Variants in COL24A1 observed in about 807,000 individuals in gnomAD.
COL24A1 encodes the protein collagen alpha-1(XXIV) chain.
Under a neutral mutation model 253.9 loss-of-function variants are expected in COL24A1, and 224 were observed. The ratio of observed to expected loss-of-function variants is 0.88; its 90% CI spans 0.79 to 0.99. COL24A1 has a LOEUF of 0.99. Ranked by LOEUF, COL24A1 falls within the 50% of genes least tolerant of loss-of-function variation. COL24A1 has a pLI of 0.00. For synonymous variants in COL24A1, 685 were observed against 673.7 expected, an observed-to-expected ratio of 1.02 and a Z score of -0.26; for missense variants, 2,131 against 2,068.5, an observed-to-expected ratio of 1.03 and a Z score of -0.59.
At chr1:86,095,305 C>A (rs1485422086) in intron 5 of COL24A1, among the ~76,000 whole-genome samples, 2 of 151,922 alleles carry the variant, frequency 1.3e-5, no homozygotes, top group Admixed American at 1.3e-4. Context: ...GGTACTTTTT[C>A]TTCATGTGTT....
chr1:85,957,320 C>T (rs986217751), intron 24 of COL24A1, among the ~76,000 whole-genome samples: 8 of 151,986 alleles, frequency 5.3e-5, no homozygotes, highest in African/African-American at 1.4e-4. Flanking sequence ...AACAAACCTG[C>T]GCATTTTGCA....
intron 18 of COL24A1, among the ~76,000 whole-genome samples, chr1:86,018,112 C>G (rs999456951): frequency 3.3e-5 from 5 of 152,168 alleles, no homozygotes; most frequent in African/African-American, 9.7e-5. Context: ...ATAAGAAAAA[C>G]TATTGCATTC....
At chr1:86,099,040 A>T (rs1056933502) in intron 5 of COL24A1, among the ~76,000 whole-genome samples, 1 of 152,224 alleles carries the variant, frequency 6.6e-6, no homozygotes, top group African/African-American at 2.4e-5. Flanking sequence ...ATGTTGACAA[A>T]AATAGGTCAC....
chr1:86,007,016 A>T (rs1364034307), intron 19 of COL24A1, among the ~76,000 whole-genome samples: 1 of 152,002 alleles, frequency 6.6e-6, no homozygotes, highest in African/African-American at 2.4e-5. Flanking sequence ...GTTTGAGACC[A>T]GCCTGGGCAA....
intron 10 of COL24A1, among the ~76,000 whole-genome samples, chr1:86,055,101 T>A (rs1045055065): frequency 1.3e-5 from 2 of 152,064 alleles, no homozygotes; most frequent in Non-Finnish European, 2.9e-5. Context: ...TGGGTATACA[T>A]GGACACAAAG....
intron 55 of COL24A1, among the ~76,000 whole-genome samples, chr1:85,748,112 T>A (rs761313216): frequency 1.3e-5 from 2 of 152,260 alleles, no homozygotes; most frequent in African/African-American, 4.8e-5. Flanking sequence ...TTTTCCCTAA[T>A]TTTTATTTTT....
Position 86,046,812 on chromosome 1 carries a change from C to T in COL24A1, c.1950+13G>A. The T allele has an allele frequency of 6.2e-7, 1 of 1,611,552 alleles. No homozygotes were observed. Among genetic ancestry groups the T allele is most frequent in the Admixed American group, 1.7e-5 (1 of 59,820 alleles). On this transcript the variant is annotated intron_variant, in intron 12 of 59. Transcript: ENST00000370571. ...GCTGTAAAATAAACCTCAAAAAACACAAATTAAGATACCTGTCTCCCCTTA... is the reference window on the plus strand; with the variant it reads ...GCTGTAAAATAAACCTCAAAAAACATAAATTAAGATACCTGTCTCCCCTTA...
intron 19 of COL24A1, among the ~76,000 whole-genome samples, chr1:86,015,490 GC>G (rs1230036887): frequency 6.6e-6 from 1 of 152,102 alleles, no homozygotes; most frequent in African/African-American, 2.4e-5. Flanking sequence ...CTTTAACCAA[GC>G]TTTATGAGAA....
intron 12 of COL24A1, among the ~76,000 whole-genome samples, chr1:86,040,530 A>G (rs1406373814): frequency 7.4e-6 from 1 of 135,492 alleles, no homozygotes; most frequent in Non-Finnish European, 1.5e-5. Context: ...GATAATTGCC[A>G]TATTCCCATC....
At chr1:85,820,208 T>C (rs1352894368) in intron 45 of COL24A1, among the ~76,000 whole-genome samples, 1 of 152,108 alleles carries the variant, frequency 6.6e-6, no homozygotes, top group Non-Finnish European at 1.5e-5. Context: ...AGTTTGGGGA[T>C]CTGGGCACAA....
chr1:85,825,045 G>A lies in COL24A1; in HGVS notation c.3682-1307C>T, dbSNP rs543044499. 1.4e-4 allele frequency among the ~76,000 whole-genome samples: 21 copies of A among 151,346 alleles called. No homozygotes were observed. The South Asian group carries it at 2.9e-3, about 21-fold the overall frequency. ...TCACTAACTTGTCATCTAGCATTAG[G>A]TATATCCCCCAATGCTATCCCTCTC... On this transcript the variant is annotated intron_variant, in intron 43 of 59. Transcript: ENST00000370571.
chr1:85,991,235 C>T (rs546722293), intron 19 of COL24A1, among the ~76,000 whole-genome samples: 1 of 152,310 alleles, frequency 6.6e-6, no homozygotes, highest in South Asian at 2.1e-4. Context: ...AGACTATAAT[C>T]AGCAAAATCC....
intron 39 of COL24A1, among the ~76,000 whole-genome samples, chr1:85,845,060 T>A (rs922073886): frequency 6.6e-6 from 1 of 151,916 alleles, no homozygotes; most frequent in African/African-American, 2.4e-5. Flanking sequence ...TGCTTACAAA[T>A]ACAAATGCAA....
rs114038929 is a variant in COL24A1 at position 85,844,630 on chromosome 1, C to T, written c.3463-2237G>A. ...ATCTGATCACCGCAAAGAGTAAACA[C>T]GATAAAACAACATTAGAAACAAGAA... On this transcript the variant is annotated intron_variant, in intron 39 of 59. Transcript: ENST00000370571. 7.4e-3 allele frequency among the ~76,000 whole-genome samples: 1,116 copies of T among 151,130 alleles called. 13 individuals are homozygous for T. The highest frequency in any genetic ancestry group is 0.026 in the African/African-American group (1,067 of 41,212).
intron 24 of COL24A1, among the ~76,000 whole-genome samples, chr1:85,959,748 G>A (rs964254350): frequency 6.6e-6 from 1 of 152,020 alleles, no homozygotes; most frequent in Non-Finnish European, 1.5e-5. Flanking sequence ...CACTGGCAGT[G>A]GGTTCTTATA....
intron 47 of COL24A1, among the ~76,000 whole-genome samples, chr1:85,802,089 C>A (rs1671489641): frequency 6.6e-6 from 1 of 152,180 alleles, no homozygotes; most frequent in Non-Finnish European, 1.5e-5. Context: ...TGGAGTACTG[C>A]AAAAGTAGTC....
intron 35 of COL24A1, among the ~76,000 whole-genome samples, chr1:85,870,670 C>A (rs942454711): frequency 2.0e-5 from 3 of 152,168 alleles, no homozygotes; most frequent in Non-Finnish European, 2.9e-5. Context: ...ACACAACACA[C>A]CAGAATCTCT....
At chr1:85,831,227 ATG>A (rs1203569968) in intron 43 of COL24A1, among the ~76,000 whole-genome samples, 1 of 152,070 alleles carries the variant, frequency 6.6e-6, no homozygotes, top group Non-Finnish European at 1.5e-5. Context: ...GTACAAGTAA[ATG>A]TGACTACTTG....
At chr1:86,036,585 G>T (rs1390891177) in intron 12 of COL24A1, among the ~76,000 whole-genome samples, 1 of 151,984 alleles carries the variant, frequency 6.6e-6, no homozygotes, top group Non-Finnish European at 1.5e-5. Flanking sequence ...TTATTCAGTT[G>T]TTTTTCAATG....
Sources: gnomAD v4.1 joint callset for allele counts (sites outside exome capture counted in the v4.1 genomes callset) on GRCh38, gnomAD v4.1.1 for gene constraint, MANE v1.5 for transcripts, NCBI Gene and HGNC (gene_info 2026-07-23, HGNC 2026-07-21) for gene names.